HDAC9: variants seen among roughly 807,000 people sequenced by gnomAD.
HDAC9 encodes MEF-2 interacting transcription repressor (MITR) protein.
Under a neutral mutation model 139.4 loss-of-function variants are expected in HDAC9, and 41 were observed. The observed-to-expected ratio is 0.29, with a 90% CI of 0.23 to 0.38. HDAC9 has a LOEUF of 0.38. HDAC9 is among the 10% of genes least tolerant of loss of function. HDAC9 has a pLI of 1.00. For missense variants in HDAC9, 1,147 were observed against 1,297.0 expected, an observed-to-expected ratio of 0.88 and a Z score of 1.78; for synonymous variants, 517 against 476.2, an observed-to-expected ratio of 1.09 and a Z score of -1.12.
In HDAC9 at chr7:18,629,464, G is replaced by A. The variant is rs1042313151; in HGVS notation, c.779G>A (p.Arg260Gln). The A allele has an allele frequency of 6.2e-6, 10 of 1,612,056 alleles. No homozygotes were observed. Among genetic ancestry groups the A allele is most frequent in the African/African-American group, 2.7e-5 (2 of 74,898 alleles). The change falls in exon 7 of 26, where the codon CGA becomes CAA. Residue 260 changes from arginine to glutamine, a missense_variant. Coordinates refer to ENST00000686413, the MANE Select transcript of HDAC9 (RefSeq NM_178425.4). ...AATGTTGTCACTTCATTCAAGAAGC[G>A]AATGTTTGAGGTGACAGGTAATTGA... ...DGNVVTSFKK[R>Q]MFEVTESSVS...
intron 24 of HDAC9, among the ~76,000 whole-genome samples, chr7:18,958,605 G>A (rs1334560015): frequency 6.6e-6 from 1 of 152,152 alleles, no homozygotes; most frequent in Non-Finnish European, 1.5e-5. Flanking sequence ...TTTCTGCTGT[G>A]TTCCTGCTTG....
At chr7:18,487,512 A>G (rs570460952) in intron 1 of HDAC9, among the ~76,000 whole-genome samples, 1 of 152,164 alleles carries the variant, frequency 6.6e-6, no homozygotes, top group South Asian at 2.1e-4. Context: ...AAATAAGAGA[A>G]GTCCTGAAGT....
chr7:18,754,181 C>T (rs563593129), intron 14 of HDAC9, among the ~76,000 whole-genome samples: 1 of 152,088 alleles, frequency 6.6e-6, no homozygotes, highest in East Asian at 1.9e-4. Flanking sequence ...CCTACTGAAT[C>T]ATTCATACTT....
chr7:18,760,480 C>T (rs1385856214), intron 14 of HDAC9, among the ~76,000 whole-genome samples: 1 of 152,150 alleles, frequency 6.6e-6, no homozygotes, highest in Non-Finnish European at 1.5e-5. Flanking sequence ...AGAAGGCCAT[C>T]ATTAAATTTT....
chr7:18,752,747 A>G (rs1290706123), intron 14 of HDAC9, among the ~76,000 whole-genome samples: 1 of 152,154 alleles, frequency 6.6e-6, no homozygotes, highest in East Asian at 1.9e-4. Context: ...TATAATGCAT[A>G]CAAGCCAGGT....
At chr7:18,154,090 G>A (rs1162268212) in intron 1 of HDAC9, among the ~76,000 whole-genome samples, 4 of 152,120 alleles carry the variant, frequency 2.6e-5, no homozygotes, top group East Asian at 1.9e-4. Flanking sequence ...TACAATATCC[G>A]GGGAATAGAC....
chr7:18,816,569 C>T (rs1175565322), intron 17 of HDAC9, among the ~76,000 whole-genome samples: 2 of 152,202 alleles, frequency 1.3e-5, no homozygotes, highest in South Asian at 2.1e-4. Flanking sequence ...AATTGTTGCA[C>T]AAGCTCTTAC....
chr7:18,466,457 A>G (rs1265954538), intron 1 of HDAC9, among the ~76,000 whole-genome samples: 2 of 152,110 alleles, frequency 1.3e-5, no homozygotes, highest in East Asian at 1.9e-4. Flanking sequence ...GGGCCTCCCA[A>G]AGTTCTAGGA....
chr7:18,766,541 A>G (rs1263820574), intron 15 of HDAC9, among the ~76,000 whole-genome samples: 1 of 152,190 alleles, frequency 6.6e-6, no homozygotes, highest in Non-Finnish European at 1.5e-5. Flanking sequence ...GAAGTGGCCT[A>G]TGGTGTACTT....
intron 23 of HDAC9, chr7:18,949,182 G>C (rs1782613039): frequency 3.8e-6 from 1 of 263,532 alleles, no homozygotes; most frequent in Non-Finnish European, 7.4e-6. Flanking sequence ...TGCAATTTTG[G>C]CTGGAGTATC....
chr7:18,682,897 C>T (rs573538267), intron 12 of HDAC9, among the ~76,000 whole-genome samples: 15 of 152,008 alleles, frequency 9.9e-5, no homozygotes, highest in Admixed American at 8.5e-4. Context: ...AGGAGAATTG[C>T]ATGAACCTAG....
At chr7:18,146,629 C>T (rs1324858931) in intron 1 of HDAC9, among the ~76,000 whole-genome samples, 1 of 152,138 alleles carries the variant, frequency 6.6e-6, no homozygotes, top group Non-Finnish European at 1.5e-5. Flanking sequence ...AGAAACAATG[C>T]TTTTAACTTT....
chr7:18,682,357 T>C (rs1354693659), intron 12 of HDAC9, among the ~76,000 whole-genome samples: 1 of 152,052 alleles, frequency 6.6e-6, no homozygotes, highest in African/African-American at 2.4e-5. Flanking sequence ...TATTGTAATT[T>C]ATAGTTCTTT....
intron 24 of HDAC9, among the ~76,000 whole-genome samples, chr7:18,968,076 C>T (rs957533027): frequency 7.2e-5 from 11 of 152,010 alleles, no homozygotes; most frequent in African/African-American, 2.7e-4. Flanking sequence ...GCAAGAGAAT[C>T]GCTTGAACCC....
chr7:18,753,451 C>T (rs901508744), intron 14 of HDAC9, among the ~76,000 whole-genome samples: 1 of 151,916 alleles, frequency 6.6e-6, no homozygotes, highest in Non-Finnish European at 1.5e-5. Context: ...CATTTGTGTT[C>T]TTTGTTTATT....
At chr7:18,179,854 A>G (rs946042294) in intron 2 of HDAC9, among the ~76,000 whole-genome samples, 2 of 152,216 alleles carry the variant, frequency 1.3e-5, no homozygotes, top group Admixed American at 1.3e-4. Context: ...TACAAGAGAT[A>G]GTAAAGTATC....
At chr7:18,364,224 C>A (rs1784003847) in intron 1 of HDAC9, among the ~76,000 whole-genome samples, 1 of 152,096 alleles carries the variant, frequency 6.6e-6, no homozygotes, top group Non-Finnish European at 1.5e-5. Flanking sequence ...CTGCCTGGGG[C>A]TGAATCCCTG....
At chr7:18,613,250 A>G (rs1211764957) in intron 6 of HDAC9, among the ~76,000 whole-genome samples, 1 of 151,992 alleles carries the variant, frequency 6.6e-6, no homozygotes, top group African/African-American at 2.4e-5. Context: ...GAGTTTCATT[A>G]GCAATCTTCT....
At chr7:18,562,208 A>G (rs1820838135) in intron 2 of HDAC9, among the ~76,000 whole-genome samples, 1 of 152,022 alleles carries the variant, frequency 6.6e-6, no homozygotes, top group African/African-American at 2.4e-5. Flanking sequence ...GAGTCGTAAG[A>G]TTTTATTTTA....
Sources: gnomAD v4.1 joint callset for allele counts (sites outside exome capture counted in the v4.1 genomes callset) on GRCh38, gnomAD v4.1.1 for gene constraint, MANE v1.5 for transcripts, NCBI Gene and HGNC (gene_info 2026-07-23, HGNC 2026-07-21) for gene names.